KIF25: variants seen among roughly 807,000 people sequenced by gnomAD.
KIF25 encodes kinesin-like protein KIF25.
Under a neutral mutation model 32.9 loss-of-function variants are expected in KIF25, and 19 were observed. That is an observed-to-expected ratio of 0.58 (90% CI 0.40 to 0.85). The LOEUF is 0.85. KIF25 is among the 40% of genes least tolerant of loss of function. KIF25 has a pLI of 0.00. For synonymous variants in KIF25, 225 were observed against 213.7 expected (o/e 1.05, Z -0.46); for missense variants, 485 against 507.0 (o/e 0.96, Z 0.42).
chr6:168,043,826 C>T (rs59369221), intron 12 of KIF25, among the ~76,000 whole-genome samples: 11,060 of 152,232 alleles, frequency 0.073, 945 homozygotes, highest in African/African-American at 0.2. Context: ...TCCTTCTCCA[C>T]TGTTTTTGGT....
At position 168,019,633 on chromosome 6, in the gene KIF25, G is replaced by A. The variant is rs367585350; in HGVS notation, c.-95+1593G>A. 2.4e-4 allele frequency among the ~76,000 whole-genome samples: 36 copies of A among 152,318 alleles called. No homozygotes were observed. The South Asian group carries it at 7.5e-3, about 32-fold the overall frequency. ...TGGGCTGACGCAAGCCCCACAGTGC[G>A]AATGAGCTTGAGGCCCCTGGACGGC... On this transcript the variant is annotated intron_variant, in intron 5 of 12. Transcript: ENST00000643607.
At chr6:168,027,759 G>A (rs1165857989) in intron 5 of KIF25, among the ~76,000 whole-genome samples, 1 of 152,182 alleles carries the variant, frequency 6.6e-6, no homozygotes, top group East Asian at 1.9e-4. Context: ...CCGGTCCGTG[G>A]GTGAGAAACG....
rs576456746 is a variant in KIF25 at position 167,999,844 on chromosome 6, C to T, written c.-370+524C>T. Among the ~76,000 whole-genome samples, 12 of 152,254 alleles carry T rather than the reference C, an allele frequency of 7.9e-5. No individual in the cohort carries two copies. In the South Asian group the frequency reaches 2.5e-3, roughly 32 times the overall value. ...CTCAAATGCTTACTTGAAAACCATA[C>T]TCAATATGACTTACTTCCTTCCCCA... is the stretch of plus-strand genomic sequence containing the variant. On this transcript the variant is annotated intron_variant, in intron 2 of 12. Transcript: ENST00000643607.
chr6:168,034,297 C>T (rs1368554765), intron 8 of KIF25, among the ~76,000 whole-genome samples: 6 of 152,142 alleles, frequency 3.9e-5, no homozygotes, highest in Non-Finnish European at 8.8e-5. Flanking sequence ...CTTGCTTTGT[C>T]GCCCAGGCTG....
At chr6:168,016,289 C>T (rs558009701) in intron 4 of KIF25, among the ~76,000 whole-genome samples, 32 of 152,252 alleles carry the variant, frequency 2.1e-4, no homozygotes, top group African/African-American at 6.7e-4. Flanking sequence ...ATGCAGGTTC[C>T]GAAACAGTTT....
intron 4 of KIF25, among the ~76,000 whole-genome samples, chr6:168,012,208 A>C (rs1798657568): frequency 1.3e-5 from 2 of 152,110 alleles, no homozygotes; most frequent in Non-Finnish European, 2.9e-5. Context: ...AGGTTCTGTT[A>C]CTAGAGGATT....
intron 8 of KIF25, 78 bp from the exon 9 acceptor site, chr6:168,038,475 T>A: frequency 6.9e-7 from 1 of 1,452,482 alleles, no homozygotes; most frequent in East Asian, 2.3e-5. Flanking sequence ...CTGTAGGGCG[T>A]CTGGGGCTAT....
At chr6:168,035,436 GGCGGAGGAGGCGGGAACGGCGCT>G (rs1799003851) in intron 8 of KIF25, among the ~76,000 whole-genome samples, 6 of 18,336 alleles carry the variant, frequency 3.3e-4, no homozygotes, top group Non-Finnish European at 5.7e-4. Context: ...GGAACGGCGC[GGCGGAGGAGGCGGGAACGGCGCT>G]GCGGGGGGGG....
At chr6:168,041,876 G>A in intron 10 of KIF25, 93 bp from the exon 11 acceptor site, 1 of 1,304,744 alleles carries the variant, frequency 7.7e-7, no homozygotes. Flanking sequence ...GGAGGGTGCA[G>A]TTCAGAAGCT....
intron 2 of KIF25, among the ~76,000 whole-genome samples, chr6:168,000,265 G>T (rs13194681): frequency 4.8e-5 from 1 of 20,784 alleles, no homozygotes; most frequent in Non-Finnish European, 8.9e-5. Flanking sequence ...TGACCTTCTC[G>T]CCCTCCCTCC....
At chr6:168,019,604 C>T (rs543210770) in intron 5 of KIF25, among the ~76,000 whole-genome samples, 4 of 152,250 alleles carry the variant, frequency 2.6e-5, no homozygotes, top group African/African-American at 7.2e-5. Flanking sequence ...GCTCCGGGGA[C>T]GGCTGGGCTG....
intron 5 of KIF25, among the ~76,000 whole-genome samples, chr6:168,025,488 G>A (rs1798847704): frequency 6.6e-6 from 1 of 152,112 alleles, no homozygotes. Context: ...ATCGTGGCTT[G>A]CTGGATGATG....
At chr6:168,012,759 G>A (rs988406455) in intron 4 of KIF25, among the ~76,000 whole-genome samples, 1 of 152,162 alleles carries the variant, frequency 6.6e-6, no homozygotes, top group East Asian at 1.9e-4. Context: ...TGTTTCCCAT[G>A]TCTGGGTCAC....
intron 4 of KIF25, among the ~76,000 whole-genome samples, chr6:168,006,135 C>T (rs1798576339): frequency 6.6e-6 from 1 of 152,026 alleles, no homozygotes; most frequent in Non-Finnish European, 1.5e-5. Context: ...TTTGGGGTGA[C>T]ATGTTCTGCC....
chr6:168,011,703 C>T (rs770144124), intron 4 of KIF25, among the ~76,000 whole-genome samples: 1 of 152,142 alleles, frequency 6.6e-6, no homozygotes, highest in Admixed American at 6.5e-5. Context: ...CTTCCTGGAC[C>T]TAGATGTCCA....
chr6:168,037,856 C>T (rs1799047059), intron 8 of KIF25, among the ~76,000 whole-genome samples: 1 of 152,148 alleles, frequency 6.6e-6, no homozygotes, highest in Non-Finnish European at 1.5e-5. Flanking sequence ...GTTGGGACTA[C>T]AGGCATGCAC....
chr6:168,014,513 A>G (rs1376751988), intron 4 of KIF25, among the ~76,000 whole-genome samples: 3 of 152,204 alleles, frequency 2.0e-5, no homozygotes, highest in Non-Finnish European at 4.4e-5. Context: ...AGGCCTGTTC[A>G]TTGAAGGGCT....
intron 8 of KIF25, among the ~76,000 whole-genome samples, chr6:168,038,141 A>G (rs895292471): frequency 9.2e-5 from 14 of 152,210 alleles, no homozygotes; most frequent in African/African-American, 3.1e-4. Flanking sequence ...AAGTTTTAAA[A>G]TAAACAAACC....
At chr6:168,023,726 C>T (rs1254671747) in intron 5 of KIF25, among the ~76,000 whole-genome samples, 2 of 152,200 alleles carry the variant, frequency 1.3e-5, no homozygotes, top group Admixed American at 6.5e-5. Context: ...TTCCCTTCAA[C>T]GTCAGCAGCA....
Sources: allele counts gnomAD v4.1 joint callset (sites outside exome capture counted in the v4.1 genomes callset), GRCh38; gene constraint gnomAD v4.1.1; transcripts MANE v1.5; gene names NCBI Gene and HGNC (gene_info 2026-07-23, HGNC 2026-07-21).